NPR3: variants seen among roughly 807,000 people sequenced by gnomAD.
The protein encoded by NPR3 is atrial natriuretic peptide receptor 3.
NPR3 carries 34 observed loss-of-function variants against 54.5 expected under a neutral mutation model. The observed-to-expected ratio is 0.62, with a 90% CI of 0.47 to 0.83. The LOEUF is 0.83. Ranked by LOEUF, NPR3 falls within the 40% of genes least tolerant of loss-of-function variation. The probability of loss-of-function intolerance (pLI) is 0.00; values close to 1 mark genes in which losing one functional copy is unlikely to be tolerated. For missense variants in NPR3, 674 were observed against 720.8 expected, an observed-to-expected ratio of 0.94 and a Z score of 0.74; for synonymous variants, 289 against 297.1, an observed-to-expected ratio of 0.97 and a Z score of 0.28.
intron 2 of NPR3, among the ~76,000 whole-genome samples, chr5:32,738,321 T>A (rs1019128367): frequency 6.6e-6 from 1 of 151,798 alleles, no homozygotes; most frequent in Non-Finnish European, 1.5e-5. Context: ...TGGTGTGTGA[T>A]GTTCCCCTCC....
chr5:32,763,320 A>T (rs1448454416), intron 3 of NPR3, among the ~76,000 whole-genome samples: 1 of 151,546 alleles, frequency 6.6e-6, no homozygotes, highest in Non-Finnish European at 1.5e-5. Context: ...ATATTTATTT[A>T]TTTACTTTTT....
intron 2 of NPR3, among the ~76,000 whole-genome samples, chr5:32,737,005 C>T (rs1156290066): frequency 6.6e-6 from 1 of 152,170 alleles, no homozygotes; most frequent in Non-Finnish European, 1.5e-5. Context: ...TTTGTCTCTG[C>T]CTTTTCTCGG....
upstream of NPR3, among the ~76,000 whole-genome samples, chr5:32,707,570 C>T (rs1738028932): frequency 6.6e-6 from 1 of 152,120 alleles, no homozygotes; most frequent in Non-Finnish European, 1.5e-5. Context: ...GTTCTTTCAT[C>T]TTTTCTGCCT....
At position 32,711,964 on chromosome 5, in the gene NPR3, A is replaced by C; in HGVS notation, c.188A>C (p.Asp63Ala). The C allele has an allele frequency of 6.3e-7, 1 of 1,594,030 alleles. No individual in the cohort carries two copies. The highest frequency in any genetic ancestry group is 8.5e-7 in the Non-Finnish European group (1 of 1,170,004). ...GTGCTGGTGTTACTGCCCCAGGATG[A>C]CTCGTACTTGTTTTCACTCACCCGG... Reference protein sequence around the residue: ...IEVLVLLPQDDSYLFSLTRVR... With the variant: ...IEVLVLLPQDASYLFSLTRVR... The change falls in exon 1 of 8, where the codon GAC becomes GCC. Residue 63 changes from aspartate to alanine, a missense_variant. Coordinates refer to ENST00000265074, the MANE Select transcript of NPR3 (RefSeq NM_001204375.2).
rs780020694 is a variant in NPR3, at chr5:32,712,066, C to G, written c.290C>G (p.Thr97Ser). The stretch of plus-strand genomic sequence containing the variant: ...GGGAGGCGGCTTCTGCCGCCGGGCA[C>G]TCGCTTCCAGGTGGCTTACGAGGAT... ...GTGRRLLPPG[T>S]RFQVAYEDSD... Residue 97 changes from threonine to serine, a missense_variant, in exon 1 of 8, where the codon ACT (threonine) becomes AGT (serine). By Grantham distance (58) the Thr-to-Ser change is moderately conservative (BLOSUM62 1). Coordinates refer to ENST00000265074, the MANE Select transcript of NPR3 (RefSeq NM_001204375.2). The G allele has an allele frequency of 9.9e-6, 16 of 1,613,880 alleles. No individual in the cohort carries two copies. The highest frequency in any genetic ancestry group is 1.3e-5 in the Non-Finnish European group (15 of 1,179,818).
In NPR3 at chr5:32,712,329, G is replaced by A; in HGVS notation, c.553G>A (p.Gly185Ser). The A allele has an allele frequency of 6.2e-6, 10 of 1,613,462 alleles. No homozygotes were observed. Among genetic ancestry groups the A allele is most frequent in the Non-Finnish European group, 8.5e-6 (10 of 1,179,692 alleles). The change falls in exon 1 of 8, where the codon GGC becomes AGC. Residue 185 changes from glycine to serine, a missense_variant. Physicochemically the swap from Gly to Ser is moderately conservative, Grantham distance 56 (BLOSUM62 0). Coordinates refer to ENST00000265074, the MANE Select transcript of NPR3 (RefSeq NM_001204375.2). ...CGTGGCGCCCGCCTACGCCAAGATGGGCGAGATGATGCTCGCCCTGTTCCG... is the reference window on the plus strand; with the variant it reads ...CGTGGCGCCCGCCTACGCCAAGATGAGCGAGATGATGCTCGCCCTGTTCCG... ...TRVAPAYAKM[G>S]EMMLALFRHH...
rs114886044 is a variant in NPR3 at position 32,776,808 on chromosome 5, A to G, written c.1195+1965A>G. On this transcript the variant is annotated intron_variant, in intron 4 of 7. Transcript: ENST00000265074. ...TGAGGCAACAAACAATGAATACAGT[A>G]TATCTTTCAGAGCTATAAAATAAGG... Among the ~76,000 whole-genome samples the G allele has an allele frequency of 1.9e-3, 286 of 152,302 alleles. 3 individuals carry two copies. Among genetic ancestry groups the G allele is most frequent in the African/African-American group, 6.6e-3 (274 of 41,550 alleles).
chr5:32,740,146 A>T (rs2111950958), intron 3 of NPR3, among the ~76,000 whole-genome samples: 1 of 152,278 alleles, frequency 6.6e-6, no homozygotes, highest in Non-Finnish European at 1.5e-5. Flanking sequence ...TCCAAACAGG[A>T]TTTCTCCTAG....
chr5:32,784,332 G>GCAC, intron 6 of NPR3, among the ~76,000 whole-genome samples: 1 of 152,140 alleles, frequency 6.6e-6, no homozygotes, highest in South Asian at 2.1e-4. Flanking sequence ...GGGATTACAG[G>GCAC]TGCCTGCCAC....
At chr5:32,738,604 T>C (rs1309581278) in intron 2 of NPR3, among the ~76,000 whole-genome samples, 1 of 152,160 alleles carries the variant, frequency 6.6e-6, no homozygotes, top group Non-Finnish European at 1.5e-5. Context: ...AAAATTGCAG[T>C]TACATGGTTA....
chr5:32,743,999 T>C (rs1382396218), intron 3 of NPR3, among the ~76,000 whole-genome samples: 8 of 146,586 alleles, frequency 5.5e-5, no homozygotes, highest in Non-Finnish European at 1.1e-4. Flanking sequence ...TTTTTTTTTT[T>C]TTTTTTTTTT....
chr5:32,716,728 C>T (rs1297331400), intron 1 of NPR3: 1 of 153,372 alleles, frequency 6.5e-6, no homozygotes, highest in Non-Finnish European at 1.5e-5. Context: ...TTGACATTTC[C>T]TTTTTTCCCC....
rs2111838609 is a variant in NPR3, at chr5:32,711,709, G to A, written c.-68G>A. The A allele has an allele frequency of 7.2e-7, 1 of 1,394,352 alleles. No individual in the cohort carries two copies. The highest frequency in any genetic ancestry group is 1.8e-5 in the South Asian group (1 of 56,360). The allele number at this position is 1,394,352 out of a possible 1,614,324, so 86.4% of individuals were successfully genotyped here. ...CTTGGAGAGAAGAGTGGGGAGGAAA[G>A]AGGAAGGGTGGGTGGGGGGCAGAGG... On this transcript the variant is annotated 5_prime_UTR_variant, in exon 1 of 8. Transcript: ENST00000265074.
chr5:32,747,400 A>G (rs1410172341), intron 3 of NPR3, among the ~76,000 whole-genome samples: 1 of 152,172 alleles, frequency 6.6e-6, no homozygotes, highest in Non-Finnish European at 1.5e-5. Flanking sequence ...AAAAATTCAG[A>G]GCTTTTATTA....
rs1374467696 is a variant in NPR3 at position 32,738,931 on chromosome 5, G to T, written c.960G>T (p.Gln320His). 1.2e-6 allele frequency: 2 copies of T among 1,613,830 alleles called. No individual in the cohort carries two copies. Among genetic ancestry groups the T allele is most frequent in the Admixed American group, 1.7e-5 (1 of 60,000 alleles). ...CTAAGCAAGCATACTCGTCCCTCCAGACAGTCACTCTACTGAGGACAGTGA... is the reference window on the plus strand; with the variant it reads ...CTAAGCAAGCATACTCGTCCCTCCATACAGTCACTCTACTGAGGACAGTGA... ...FEAKQAYSSL[Q>H]TVTLLRTVKP... The change falls in exon 3 of 8, where the codon CAG becomes CAT. Residue 320 changes from glutamine (Q) to histidine (H), a missense_variant. Gln to His is a conservative substitution (Grantham distance 24). Transcript: ENST00000265074.
chr5:32,736,419 T>C (rs1031878497), intron 2 of NPR3, among the ~76,000 whole-genome samples: 1 of 152,178 alleles, frequency 6.6e-6, no homozygotes, highest in Non-Finnish European at 1.5e-5. Flanking sequence ...TTACATAACA[T>C]ACAAGTCTGT....
chr5:32,780,843 T>A, intron 5 of NPR3, 27 bp downstream of exon 5: 1 of 1,012,698 alleles, frequency 9.9e-7, no homozygotes. Context: ...TCTGCACCAG[T>A]TGCTCCTTCT....
At chr5:32,752,977 T>C (rs1740650987) in intron 3 of NPR3, among the ~76,000 whole-genome samples, 1 of 152,256 alleles carries the variant, frequency 6.6e-6, no homozygotes, top group African/African-American at 2.4e-5. Context: ...AACTTGGGAA[T>C]CTCCTGATTA....
chr5:32,738,867 A>T lies in NPR3; in HGVS notation c.896A>T (p.Asp299Val). 6.2e-7 allele frequency: 1 copy of T among 1,612,814 alleles called. No homozygotes were observed. Among genetic ancestry groups the T allele is most frequent in the South Asian group, 1.1e-5 (1 of 90,822 alleles). Reference protein sequence around the residue: ...IELFNSSSYGDGSWKRGDKHD... With the variant: ...IELFNSSSYGVGSWKRGDKHD... ...AATATTTTTATTTCTTCCATAGGAG[A>T]TGGCTCATGGAAGAGAGGAGACAAA... The change falls in exon 3 of 8, where the codon GAT becomes GTT. Residue 299 changes from aspartate to valine, a missense_variant. Coordinates refer to ENST00000265074, the MANE Select transcript of NPR3 (RefSeq NM_001204375.2).
Sources: allele counts gnomAD v4.1 joint callset (sites outside exome capture counted in the v4.1 genomes callset), GRCh38; gene constraint gnomAD v4.1.1; transcripts MANE v1.5; gene names NCBI Gene and HGNC (gene_info 2026-07-23, HGNC 2026-07-21).